Variants in PDE4B observed in about 807,000 individuals in gnomAD.
PDE4B encodes the protein phosphodiesterase 4B, also known as 3',5'-cyclic-AMP phosphodiesterase 4B.
In PDE4B, 20 loss-of-function variants were observed where a neutral mutation model predicts 82.2. The ratio of observed to expected loss-of-function variants is 0.24; its 90% CI spans 0.17 to 0.35. The LOEUF (loss-of-function observed/expected upper bound fraction) is 0.35. Among genes scored for constraint, PDE4B ranks in the 10% least tolerant of loss-of-function variants. The pLI, the probability that PDE4B is intolerant of heterozygous loss-of-function variation, is 1.00. For missense variants in PDE4B, 655 were observed against 907.2 expected, an observed-to-expected ratio of 0.72 and a Z score of 3.57; for synonymous variants, 320 against 318.9, an observed-to-expected ratio of 1.00 and a Z score of -0.04.
intron 3 of PDE4B, among the ~76,000 whole-genome samples, chr1:66,042,173 T>C (rs1029513316): frequency 1.3e-5 from 2 of 152,038 alleles, no homozygotes; most frequent in East Asian, 3.9e-4. Flanking sequence ...TAAAATTATT[T>C]GTATAGCTGT....
intron 1 of PDE4B, among the ~76,000 whole-genome samples, chr1:65,822,266 A>T (rs879349913): frequency 2.0e-5 from 3 of 152,170 alleles, no homozygotes; most frequent in Non-Finnish European, 4.4e-5. Context: ...CTATAGCTCA[A>T]TTAATTAATC....
At chr1:66,146,523 T>C (rs1195980497) in intron 3 of PDE4B, among the ~76,000 whole-genome samples, 2 of 152,112 alleles carry the variant, frequency 1.3e-5, no homozygotes, top group Non-Finnish European at 2.9e-5. Context: ...ACCATGACTT[T>C]TTCCCTTGGA....
intron 1 of PDE4B, among the ~76,000 whole-genome samples, chr1:65,834,445 A>C (rs1344762406): frequency 6.6e-6 from 1 of 152,224 alleles, no homozygotes; most frequent in Non-Finnish European, 1.5e-5. Flanking sequence ...ATGCATGTCA[A>C]CTATTAAGTT....
chr1:65,976,685 C>A (rs1263342190), intron 3 of PDE4B, among the ~76,000 whole-genome samples: 1 of 152,126 alleles, frequency 6.6e-6, no homozygotes, highest in Non-Finnish European at 1.5e-5. Flanking sequence ...TGAGTGAGTT[C>A]TCATAAGATC....
intron 7 of PDE4B, among the ~76,000 whole-genome samples, chr1:66,305,536 G>A (rs1163386217): frequency 6.6e-6 from 1 of 151,922 alleles, no homozygotes; most frequent in African/African-American, 2.4e-5. Context: ...GTTTGTTTTG[G>A]GTTAAACCTG....
At chr1:66,226,652 A>C (rs1651477735) in intron 3 of PDE4B, among the ~76,000 whole-genome samples, 1 of 152,248 alleles carries the variant, frequency 6.6e-6, no homozygotes, top group African/African-American at 2.4e-5. Flanking sequence ...TGCAAAATAG[A>C]AGCAAGAAGG....
At chr1:65,843,968 T>A (rs1381305487) in intron 1 of PDE4B, among the ~76,000 whole-genome samples, 1 of 152,102 alleles carries the variant, frequency 6.6e-6, no homozygotes. Context: ...CTTATATGAG[T>A]GGATGGCTTA....
At chr1:66,045,022 C>T (rs1369132958) in intron 3 of PDE4B, among the ~76,000 whole-genome samples, 3 of 151,620 alleles carry the variant, frequency 2.0e-5, no homozygotes, top group African/African-American at 7.3e-5. Context: ...AATAAAATAA[C>T]CAGCCACTAT....
intron 3 of PDE4B, among the ~76,000 whole-genome samples, chr1:66,034,217 A>G (rs753618738): frequency 2.0e-5 from 3 of 151,876 alleles, no homozygotes; most frequent in Non-Finnish European, 2.9e-5. Context: ...CAAGCCATGG[A>G]TTTTGAATTA....
intron 3 of PDE4B, among the ~76,000 whole-genome samples, chr1:66,171,946 T>A (rs1557608624): frequency 6.6e-6 from 1 of 152,192 alleles, no homozygotes. Flanking sequence ...TCTAGCTTTC[T>A]TTTTAAAAAA....
intron 3 of PDE4B, among the ~76,000 whole-genome samples, chr1:66,055,279 A>G (rs1166888073): frequency 6.6e-6 from 1 of 152,194 alleles, no homozygotes; most frequent in Non-Finnish European, 1.5e-5. Flanking sequence ...TGTAAAGAGC[A>G]TGTTTGCGTA....
At chr1:65,824,113 C>T (rs1057513859) in intron 1 of PDE4B, among the ~76,000 whole-genome samples, 10 of 152,146 alleles carry the variant, frequency 6.6e-5, no homozygotes, top group African/African-American at 2.2e-4. Context: ...TGAATAAAAT[C>T]ATGCAATGGA....
At chr1:66,326,735 T>C (rs1659775558) in intron 7 of PDE4B, among the ~76,000 whole-genome samples, 1 of 152,198 alleles carries the variant, frequency 6.6e-6, no homozygotes, top group African/African-American at 2.4e-5. Flanking sequence ...TATAGAGATA[T>C]GTTGGAATAT....
At chr1:65,840,079 A>T (rs912619329) in intron 1 of PDE4B, among the ~76,000 whole-genome samples, 5 of 152,190 alleles carry the variant, frequency 3.3e-5, no homozygotes, top group Admixed American at 2.0e-4. Flanking sequence ...CATGAGGATA[A>T]AAAAGATGGC....
At chr1:66,154,341 G>A (rs375940952) in intron 3 of PDE4B, among the ~76,000 whole-genome samples, 86 of 152,234 alleles carry the variant, frequency 5.6e-4, no homozygotes, top group Admixed American at 2.2e-3. Context: ...ATGACCAGGC[G>A]GTTCTCCATG....
At chr1:65,938,608 G>T (rs1648279360) in intron 3 of PDE4B, among the ~76,000 whole-genome samples, 1 of 152,156 alleles carries the variant, frequency 6.6e-6, no homozygotes, top group Non-Finnish European at 1.5e-5. Context: ...AGAAAAGGCA[G>T]ACATGTACAT....
At chr1:65,907,212 A>C (rs1234723377) in intron 1 of PDE4B, among the ~76,000 whole-genome samples, 1 of 152,198 alleles carries the variant, frequency 6.6e-6, no homozygotes. Flanking sequence ...AAGCAGCAAT[A>C]ACTGAGTGCA....
chr1:65,856,513 A>G (rs964543237), intron 1 of PDE4B, among the ~76,000 whole-genome samples: 1 of 152,184 alleles, frequency 6.6e-6, no homozygotes, highest in African/African-American at 2.4e-5. Flanking sequence ...ACATGAACTC[A>G]TTCATTGTAT....
At chr1:65,861,564 T>G (rs1646454595) in intron 1 of PDE4B, among the ~76,000 whole-genome samples, 1 of 152,130 alleles carries the variant, frequency 6.6e-6, no homozygotes, top group Non-Finnish European at 1.5e-5. Context: ...TTTAAAGTAG[T>G]TTTTTTCTAA....
Sources: allele counts gnomAD v4.1 joint callset (sites outside exome capture counted in the v4.1 genomes callset), GRCh38; gene constraint gnomAD v4.1.1; transcripts MANE v1.5; gene names NCBI Gene and HGNC (gene_info 2026-07-23, HGNC 2026-07-21).